The following SCAPER variants were observed in gnomAD, a reference collection of about 807,000 sequenced individuals.
SCAPER encodes S phase cyclin A-associated protein in the endoplasmic reticulum.
SCAPER carries 98 observed loss-of-function variants against 182.2 expected under a neutral mutation model. The ratio of observed to expected loss-of-function variants is 0.54; its 90% CI spans 0.46 to 0.64. The LOEUF (loss-of-function observed/expected upper bound fraction) is 0.64. SCAPER is among the 30% of genes least tolerant of loss of function. The pLI is 0.00. For synonymous variants in SCAPER, 605 were observed against 564.6 expected, an observed-to-expected ratio of 1.07 and a Z score of -1.01; for missense variants, 1,432 against 1,690.0, an observed-to-expected ratio of 0.85 and a Z score of 2.68.
At chr15:76,643,324 G>A (rs959840791) in intron 21 of SCAPER, among the ~76,000 whole-genome samples, 5 of 152,098 alleles carry the variant, frequency 3.3e-5, no homozygotes, top group South Asian at 4.1e-4. Flanking sequence ...ACTGTTCAAC[G>A]ACTGTTGAAC....
At position 76,774,802 on chromosome 15, in the gene SCAPER, T is replaced by G. The variant is rs2151335202; in HGVS notation, c.1035+53A>C. The G allele has an allele frequency of 2.6e-6, 4 of 1,531,080 alleles. No individual in the cohort carries two copies. In the East Asian group the frequency reaches 6.8e-5, roughly 26 times the overall value. The allele number at this position is 1,531,080 out of a possible 1,614,324, so 94.8% of individuals were successfully genotyped here. A position where few individuals can be genotyped will look rare whatever the true frequency, so the allele number is the denominator to read the frequency against. On this transcript the variant is annotated intron_variant, in intron 9 of 31. Transcript: ENST00000563290. ...CAAAACTAAGACATTCCAGTACACA[T>G]GTACACATACACCTTTGAAAAAGAC... is the stretch of plus-strand genomic sequence containing the variant.
At chr15:76,455,754 C>T (rs2048685032) in intron 25 of SCAPER, among the ~76,000 whole-genome samples, 1 of 152,074 alleles carries the variant, frequency 6.6e-6, no homozygotes, top group African/African-American at 2.4e-5. Flanking sequence ...GTTTGCTGCA[C>T]CTATCAACCT....
chr15:76,457,981 T>C (rs74784362), intron 25 of SCAPER, among the ~76,000 whole-genome samples: 2 of 152,198 alleles, frequency 1.3e-5, no homozygotes, highest in South Asian at 4.1e-4. Flanking sequence ...CGGAGGTGTA[T>C]ATATATTTAA....
intron 17 of SCAPER, among the ~76,000 whole-genome samples, chr15:76,726,144 T>TATATATATAC (rs1323011241): frequency 7.8e-6 from 1 of 127,640 alleles, no homozygotes; most frequent in Non-Finnish European, 1.7e-5. Context: ...TATATATATA[T>TATATATATAC]ATATATATAT....
In SCAPER at chr15:76,551,209, T is replaced by C. The variant is rs141726744; in HGVS notation, c.2838+22949A>G. ...ATGGCCCAGCAATCCTGCTAGTGGC[T>C]ACTTATCCAAAGGAAATGAAATCAG... On this transcript the variant is annotated intron_variant, in intron 23 of 31. Coordinates refer to ENST00000563290, the MANE Select transcript of SCAPER (RefSeq NM_020843.4). 3.2e-3 allele frequency among the ~76,000 whole-genome samples: 483 copies of C among 152,318 alleles called. 5 individuals carry two copies. The highest frequency in any genetic ancestry group is 0.011 in the African/African-American group (461 of 41,568).
chr15:76,843,857 A>G (rs749497610), intron 4 of SCAPER, among the ~76,000 whole-genome samples: 3 of 152,146 alleles, frequency 2.0e-5, no homozygotes, highest in Non-Finnish European at 4.4e-5. Context: ...ATAGGGCTCT[A>G]CTTACTACTG....
intron 17 of SCAPER, among the ~76,000 whole-genome samples, chr15:76,721,359 T>G (rs1159954250): frequency 1.3e-5 from 2 of 151,998 alleles, no homozygotes; most frequent in African/African-American, 2.4e-5. Flanking sequence ...TCAGGTAGTG[T>G]GATGCCTCCA....
In SCAPER at chr15:76,471,415, T is replaced by C. The variant is rs1441419267; in HGVS notation, c.2955-80A>G. The C allele has an allele frequency of 4.2e-6, 6 of 1,436,090 alleles. No individual in the cohort carries two copies. In the African/African-American group the frequency reaches 8.6e-5, roughly 21 times the overall value. The allele number at this position is 1,436,090 out of a possible 1,614,324, so 89.0% of individuals were successfully genotyped here. On this transcript the variant is annotated intron_variant, in intron 24 of 31. Transcript: ENST00000563290. ...AATTAAAAATACATAAAATGAATGGTATGAAAGCCAACAGGCATGAGATGG... is the reference window on the plus strand; with the variant it reads ...AATTAAAAATACATAAAATGAATGGCATGAAAGCCAACAGGCATGAGATGG...
At chr15:76,868,816 C>T (rs2072491012) in intron 2 of SCAPER, among the ~76,000 whole-genome samples, 1 of 151,968 alleles carries the variant, frequency 6.6e-6, no homozygotes, top group Admixed American at 6.6e-5. Flanking sequence ...CAAAATACCC[C>T]AAACAGCCAA....
At chr15:76,682,820 C>T (rs553783548) in intron 20 of SCAPER, among the ~76,000 whole-genome samples, 10 of 151,330 alleles carry the variant, frequency 6.6e-5, no homozygotes, top group African/African-American at 2.4e-4. Context: ...CTAAAATTTT[C>T]CAAAAATGAA....
At chr15:76,848,490 T>A (rs779069442) in intron 4 of SCAPER, among the ~76,000 whole-genome samples, 1 of 151,784 alleles carries the variant, frequency 6.6e-6, no homozygotes, top group African/African-American at 2.4e-5. Flanking sequence ...CCCGCCACCA[T>A]ACCCAGTTAA....
intron 15 of SCAPER, among the ~76,000 whole-genome samples, chr15:76,748,333 A>G (rs558211343): frequency 6.6e-6 from 1 of 152,246 alleles, no homozygotes; most frequent in Admixed American, 6.5e-5. Context: ...TTGAACCCCT[A>G]CCACAGATCA....
At chr15:76,404,085 A>G (rs1030692244) in intron 27 of SCAPER, among the ~76,000 whole-genome samples, 5 of 152,188 alleles carry the variant, frequency 3.3e-5, no homozygotes, top group Admixed American at 2.6e-4. Context: ...GGAAGAAGGG[A>G]CAGAGGGAAA....
rs60967130 is a variant in SCAPER, at chr15:76,617,256, TAC to T, written c.2711+4506_2711+4507del. ...TTCCTCTGTTTTCTTCTAGTGTTTT[TAC>T]AGTTTCATGTTTTTATCTTTACATC... On this transcript the variant is annotated intron_variant, in intron 22 of 31. Transcript: ENST00000563290. 7.4e-4 allele frequency among the ~76,000 whole-genome samples: 113 copies of T among 152,352 alleles called. No individual in the cohort carries two copies. In the East Asian group the frequency reaches 0.015, roughly 20 times the overall value.
chr15:76,411,841 TG>T (rs1177625020), intron 26 of SCAPER, among the ~76,000 whole-genome samples: 1 of 152,182 alleles, frequency 6.6e-6, no homozygotes, highest in African/African-American at 2.4e-5. Flanking sequence ...TACCTTGGTA[TG>T]ATTTTATTTT....
At chr15:76,435,574 C>T (rs997634952) in intron 25 of SCAPER, among the ~76,000 whole-genome samples, 8 of 152,186 alleles carry the variant, frequency 5.3e-5, no homozygotes, top group South Asian at 2.1e-4. Context: ...AGGTTAGATG[C>T]CCTTATTTCT....
At chr15:76,864,786 T>C (rs1247874099) in intron 2 of SCAPER, among the ~76,000 whole-genome samples, 1 of 152,140 alleles carries the variant, frequency 6.6e-6, no homozygotes, top group African/African-American at 2.4e-5. Flanking sequence ...CCATAGTCAG[T>C]ATGTAAACAA....
intron 24 of SCAPER, among the ~76,000 whole-genome samples, chr15:76,497,989 C>CAAAAAAAAAAAAAAAAAAAAAAA (rs747096625): frequency 1.7e-5 from 1 of 58,326 alleles, no homozygotes; most frequent in African/African-American, 6.3e-5. Context: ...GACTCCGTCT[C>CAAAAAAAAAAAAAAAAAAAAAAA]AAAAAAAAAA....
intron 23 of SCAPER, among the ~76,000 whole-genome samples, chr15:76,567,631 G>GATTATT (rs2047136968): frequency 6.6e-6 from 1 of 152,132 alleles, no homozygotes; most frequent in African/African-American, 2.4e-5. Flanking sequence ...TTATTAAAGA[G>GATTATT]GTTGACTATC....
Sources: gnomAD v4.1 joint callset for allele counts (sites outside exome capture counted in the v4.1 genomes callset) on GRCh38, gnomAD v4.1.1 for gene constraint, MANE v1.5 for transcripts, NCBI Gene and HGNC (gene_info 2026-07-23, HGNC 2026-07-21) for gene names.